Variants in PTK2 observed in about 807,000 individuals in gnomAD.
The protein encoded by PTK2 is focal adhesion kinase 1.
PTK2 carries 45 observed loss-of-function variants against 150.1 expected under a neutral mutation model. That is an observed-to-expected ratio of 0.30 (90% confidence interval 0.24 to 0.38). The LOEUF (loss-of-function observed/expected upper bound fraction) is 0.38. PTK2 is among the 10% of genes least tolerant of loss of function. The pLI, the probability that PTK2 is intolerant of heterozygous loss-of-function variation, is 1.00. For missense variants in PTK2, 919 were observed against 1,307.3 expected, an observed-to-expected ratio of 0.70 and a Z score of 4.58; for synonymous variants, 432 against 449.2, an observed-to-expected ratio of 0.96 and a Z score of 0.48.
At chr8:140,922,826 AC>A (rs1301679664) in intron 2 of PTK2, among the ~76,000 whole-genome samples, 5 of 152,196 alleles carry the variant, frequency 3.3e-5, no homozygotes, top group Non-Finnish European at 7.3e-5. Flanking sequence ...TCGGTCATCT[AC>A]GATGCCAGGG....
chr8:140,933,010 C>A (rs887657970), intron 1 of PTK2, among the ~76,000 whole-genome samples: 3 of 152,026 alleles, frequency 2.0e-5, no homozygotes, highest in Non-Finnish European at 2.9e-5. Context: ...TGCCACCACA[C>A]CCGGCTAATT....
chr8:140,735,693 TA>T (rs1357588245), intron 21 of PTK2, among the ~76,000 whole-genome samples: 2 of 152,250 alleles, frequency 1.3e-5, no homozygotes, highest in African/African-American at 4.8e-5. Flanking sequence ...CTCAGAGGTT[TA>T]TTTTTTCTCT....
Position 140,890,540 on chromosome 8 carries a change from T to C in PTK2, c.195+3A>G, listed in dbSNP as rs1600916905. 1 of 1,611,764 alleles carries C rather than the reference T, an allele frequency of 6.2e-7. No individual in the cohort carries two copies. On this transcript the variant is annotated splice_donor_region_variant and intron_variant, in intron 3 of 31. Transcript: ENST00000522684. ...AAGATGTCTCATGGAAAAACGTACT[T>C]ACCCTGACATCAGTAGCATCTCCAT...
At position 140,890,519 on chromosome 8, in the gene PTK2, T is replaced by G. The variant is rs778533698; in HGVS notation, c.195+24A>C. On this transcript the variant is annotated intron_variant, in intron 3 of 31. Coordinates refer to ENST00000522684, the Ensembl canonical transcript of PTK2. ...TTTTAACCTAAATAAACATTAAAGATGTCTCATGGAAAAACGTACTTACCC... is the reference window on the plus strand; with the variant it reads ...TTTTAACCTAAATAAACATTAAAGAGGTCTCATGGAAAAACGTACTTACCC... 3 of 1,569,896 alleles carry G rather than the reference T, an allele frequency of 1.9e-6. No individual in the cohort carries two copies. In the African/African-American group the frequency reaches 4.1e-5, roughly 21 times the overall value.
chr8:140,770,025 A>T (rs1222617481), intron 14 of PTK2, among the ~76,000 whole-genome samples: 1 of 152,230 alleles, frequency 6.6e-6, no homozygotes, highest in Non-Finnish European at 1.5e-5. Flanking sequence ...ACAAGAAGAG[A>T]ATAAGCCCTC....
intron 2 of PTK2, among the ~76,000 whole-genome samples, chr8:140,916,409 A>G (rs1274251000): frequency 6.6e-6 from 1 of 152,250 alleles, no homozygotes. Context: ...TTTCCCAGCA[A>G]GAGCCTTTGC....
At chr8:140,966,492 G>A (rs2100185359) in intron 1 of PTK2, among the ~76,000 whole-genome samples, 1 of 152,016 alleles carries the variant, frequency 6.6e-6, no homozygotes, top group Admixed American at 6.6e-5. Flanking sequence ...GCAATTTAAT[G>A]CATGTTGAAT....
chr8:140,847,964 C>G (rs903203745), intron 5 of PTK2, among the ~76,000 whole-genome samples: 1 of 152,164 alleles, frequency 6.6e-6, no homozygotes, highest in African/African-American at 2.4e-5. Flanking sequence ...CCCCTGTCTC[C>G]CATTATCCCT....
At chr8:140,989,220 A>T (rs924592449) in intron 1 of PTK2, among the ~76,000 whole-genome samples, 2 of 149,354 alleles carry the variant, frequency 1.3e-5, no homozygotes, top group African/African-American at 4.9e-5. Flanking sequence ...TCTAAAAAAA[A>T]AAAAAAAAAA....
chr8:140,829,345 G>T (rs766127041), intron 8 of PTK2, among the ~76,000 whole-genome samples: 1 of 152,160 alleles, frequency 6.6e-6, no homozygotes, highest in Non-Finnish European at 1.5e-5. Context: ...ATTCTGGATG[G>T]GTTTGACAGA....
chr8:140,751,666 T>C (rs1466799536), intron 17 of PTK2, among the ~76,000 whole-genome samples: 2 of 152,138 alleles, frequency 1.3e-5, no homozygotes, highest in Non-Finnish European at 2.9e-5. Flanking sequence ...TAATTTTTTG[T>C]ATTTTTAGTA....
intron 3 of PTK2, among the ~76,000 whole-genome samples, chr8:140,881,211 C>A (rs553554898): frequency 1.3e-5 from 2 of 152,140 alleles, no homozygotes; most frequent in African/African-American, 2.4e-5. Context: ...ATGACAGTAC[C>A]CTACCTACAC....
chr8:140,804,919 G>C (rs1320469166), intron 10 of PTK2, among the ~76,000 whole-genome samples: 1 of 152,124 alleles, frequency 6.6e-6, no homozygotes, highest in African/African-American at 2.4e-5. Context: ...TATCCTCTGG[G>C]ACATCCTGCC....
At chr8:140,830,508 C>T (rs780466619) in exon 8 of PTK2, 4 of 1,537,512 alleles carry the variant, frequency 2.6e-6, no homozygotes, top group Non-Finnish European at 1.8e-6. Flanking sequence ...GAAAAAATCG[C>T]TTTAAACCAA....
chr8:140,856,866 T>C (rs1257219357), intron 5 of PTK2, among the ~76,000 whole-genome samples: 1 of 152,172 alleles, frequency 6.6e-6, no homozygotes, highest in African/African-American at 2.4e-5. Context: ...TACTTTGAAA[T>C]GTATGAAAAT....
At chr8:140,692,184 T>C (rs2100023554) in intron 26 of PTK2, among the ~76,000 whole-genome samples, 1 of 152,248 alleles carries the variant, frequency 6.6e-6, no homozygotes, top group Non-Finnish European at 1.5e-5. Context: ...CTTATCCATA[T>C]AAAATCTACT....
At chr8:140,830,086 C>CAT (rs1329667404) in intron 8 of PTK2, among the ~76,000 whole-genome samples, 2 of 29,440 alleles carry the variant, frequency 6.8e-5, no homozygotes, top group African/African-American at 8.9e-4. Context: ...CACACACATA[C>CAT]ACACACACAC....
intron 1 of PTK2, among the ~76,000 whole-genome samples, chr8:140,969,678 G>C (rs1456478035): frequency 6.6e-6 from 1 of 152,108 alleles, no homozygotes; most frequent in African/African-American, 2.4e-5. Flanking sequence ...AGTTCCCCAA[G>C]ACTCTGTCCT....
intron 1 of PTK2, among the ~76,000 whole-genome samples, chr8:140,927,959 A>T (rs2100170159): frequency 3.4e-5 from 1 of 29,752 alleles, no homozygotes; most frequent in Admixed American, 4.7e-4. Flanking sequence ...AAAAAAAAAG[A>T]AAAAAAAAAA....
Sources: allele counts gnomAD v4.1 joint callset (sites outside exome capture counted in the v4.1 genomes callset), GRCh38; gene constraint gnomAD v4.1.1; transcripts MANE v1.5; gene names NCBI Gene and HGNC (gene_info 2026-07-23, HGNC 2026-07-21).